PTPN3: variants seen among roughly 807,000 people sequenced by gnomAD.
The protein encoded by PTPN3 is tyrosine-protein phosphatase non-receptor type 3.
In PTPN3, 96 loss-of-function variants were observed where a neutral mutation model predicts 132.7. The observed-to-expected ratio is 0.72, with a 90% CI of 0.61 to 0.86. The LOEUF is 0.86. PTPN3 is among the 40% of genes least tolerant of loss of function. The pLI is 0.00. For missense variants in PTPN3, 1,125 were observed against 1,159.6 expected, an observed-to-expected ratio of 0.97 and a Z score of 0.43; for synonymous variants, 398 against 429.0, an observed-to-expected ratio of 0.93 and a Z score of 0.89.
chr9:109,534,433 C>T, the PTPN3 span: 10 of 1,344,644 alleles, frequency 7.4e-6, no homozygotes, highest in South Asian at 4.6e-5. Context: ...GCTCAGGGCT[C>T]TCTGGGGTCC....
At chr9:109,438,557 C>A (rs1322214084) in intron 7 of PTPN3, among the ~76,000 whole-genome samples, 1 of 152,226 alleles carries the variant, frequency 6.6e-6, no homozygotes, top group African/African-American at 2.4e-5. Flanking sequence ...GTGGTCAGCA[C>A]AGCAGTTTGC....
the PTPN3 span, among the ~76,000 whole-genome samples, chr9:109,513,633 G>A: frequency 6.6e-6 from 1 of 152,206 alleles, no homozygotes; most frequent in South Asian, 2.1e-4. Flanking sequence ...GAAAGTTAGG[G>A]GTTGTCTTTG....
At chr9:109,416,642 T>G (rs975918951) in intron 14 of PTPN3, among the ~76,000 whole-genome samples, 1 of 151,954 alleles carries the variant, frequency 6.6e-6, no homozygotes, top group Admixed American at 6.6e-5. Context: ...AAATGGGGTT[T>G]TGCCATGTTG....
chr9:109,520,521 G>T, the PTPN3 span, among the ~76,000 whole-genome samples: 1 of 152,260 alleles, frequency 6.6e-6, no homozygotes, highest in Non-Finnish European at 1.5e-5. Context: ...AGCGGAACAT[G>T]CTTGCTGTGC....
At chr9:109,431,081 T>C (rs1166348502) in intron 10 of PTPN3, among the ~76,000 whole-genome samples, 1 of 152,218 alleles carries the variant, frequency 6.6e-6, no homozygotes, top group Non-Finnish European at 1.5e-5. Context: ...TCCCCGCTGG[T>C]CTCTGAGGTT....
At chr9:109,530,149 G>C in the PTPN3 span, among the ~76,000 whole-genome samples, 2 of 152,082 alleles carry the variant, frequency 1.3e-5, no homozygotes, top group Non-Finnish European at 2.9e-5. Flanking sequence ...CATTCATTTT[G>C]TGGTGCCACC....
intron 1 of PTPN3, among the ~76,000 whole-genome samples, chr9:109,495,042 C>A (rs1224230129): frequency 6.6e-6 from 1 of 152,088 alleles, no homozygotes; most frequent in Non-Finnish European, 1.5e-5. Context: ...TCCTTCTCGG[C>A]CAGAGGAAAG....
chr9:109,485,369 G>A (rs913387728), intron 1 of PTPN3, among the ~76,000 whole-genome samples: 5 of 152,038 alleles, frequency 3.3e-5, no homozygotes, highest in Non-Finnish European at 5.9e-5. Flanking sequence ...TTAGCTGGGC[G>A]TGGTGGTGGG....
At chr9:109,484,000 G>A (rs1413516083) in intron 1 of PTPN3, among the ~76,000 whole-genome samples, 1 of 152,322 alleles carries the variant, frequency 6.6e-6, no homozygotes, top group East Asian at 1.9e-4. Context: ...TGTATAAAGT[G>A]TGACAGGCTG....
At chr9:109,418,877 G>T (rs1474252078) in intron 14 of PTPN3, among the ~76,000 whole-genome samples, 1 of 152,220 alleles carries the variant, frequency 6.6e-6, no homozygotes, top group Non-Finnish European at 1.5e-5. Flanking sequence ...AAGCTCTGAC[G>T]CAGCAGGTGT....
At chr9:109,408,719 C>A (rs961493881) in intron 16 of PTPN3, among the ~76,000 whole-genome samples, 18 of 149,262 alleles carry the variant, frequency 1.2e-4, no homozygotes, top group African/African-American at 4.2e-4. Flanking sequence ...CACAGCATGT[C>A]TTCGAGTGCT....
At chr9:109,415,209 G>T (rs1842401611) in intron 14 of PTPN3, among the ~76,000 whole-genome samples, 3 of 152,020 alleles carry the variant, frequency 2.0e-5, no homozygotes, top group Admixed American at 1.3e-4. Flanking sequence ...CACTATCCCT[G>T]CCCTCAAAGA....
At chr9:109,530,241 T>C in the PTPN3 span, among the ~76,000 whole-genome samples, 1 of 152,102 alleles carries the variant, frequency 6.6e-6, no homozygotes, top group African/African-American at 2.4e-5. Flanking sequence ...ATTTCCTCAT[T>C]CCCCCACTTC....
intron 14 of PTPN3, among the ~76,000 whole-genome samples, chr9:109,411,802 C>T (rs1187688068): frequency 6.6e-6 from 1 of 152,088 alleles, no homozygotes; most frequent in African/African-American, 2.4e-5. Flanking sequence ...TTCATAATCA[C>T]AATCTATTTG....
intron 18 of PTPN3, among the ~76,000 whole-genome samples, 166 bp downstream of exon 18, chr9:109,406,296 C>G (rs1216353216): frequency 1.3e-5 from 2 of 152,188 alleles, no homozygotes; most frequent in Non-Finnish European, 2.9e-5. Context: ...GGCAGATCTT[C>G]ACATTTTTCA....
intron 25 of PTPN3, among the ~76,000 whole-genome samples, chr9:109,380,214 A>AATCT (rs55963327): frequency 0.19 from 27,761 of 145,788 alleles, 2,741 homozygotes; most frequent in Middle Eastern, 0.23. Flanking sequence ...CAGCTAGGAA[A>AATCT]ATCTATCTAT....
At chr9:109,489,349 A>G (rs1229528646) in intron 1 of PTPN3, among the ~76,000 whole-genome samples, 1 of 152,230 alleles carries the variant, frequency 6.6e-6, no homozygotes, top group African/African-American at 2.4e-5. Flanking sequence ...TGTGGGGACC[A>G]AAGCCACAAA....
At chr9:109,400,397 T>C (rs113651007) in intron 19 of PTPN3, among the ~76,000 whole-genome samples, 18 of 152,170 alleles carry the variant, frequency 1.2e-4, no homozygotes, top group African/African-American at 3.9e-4. Flanking sequence ...AGATACCCAA[T>C]TTATATATGG....
chr9:109,496,738 G>A (rs1182866551), intron 1 of PTPN3, among the ~76,000 whole-genome samples: 2 of 152,174 alleles, frequency 1.3e-5, no homozygotes, highest in Non-Finnish European at 2.9e-5. Flanking sequence ...GCTCCCTAGG[G>A]GACATCTGAC....
Sources: gnomAD v4.1 joint callset for allele counts (sites outside exome capture counted in the v4.1 genomes callset) on GRCh38, gnomAD v4.1.1 for gene constraint, MANE v1.5 for transcripts, NCBI Gene and HGNC (gene_info 2026-07-23, HGNC 2026-07-21) for gene names.